DNAJC1: variants seen among roughly 807,000 people sequenced by gnomAD.
DNAJC1 encodes the protein dnaJ homolog subfamily C member 1.
A neutral mutation model predicts 76.6 loss-of-function variants in DNAJC1; 58 were observed. The observed-to-expected ratio is 0.76, with a 90% confidence interval of 0.61 to 0.94. DNAJC1 has a LOEUF of 0.94. Ranked by LOEUF, DNAJC1 falls within the 40% of genes least tolerant of loss-of-function variation. The pLI, the probability that DNAJC1 is intolerant of heterozygous loss-of-function variation, is 0.00. For missense variants in DNAJC1, 689 were observed against 677.3 expected, an observed-to-expected ratio of 1.02 and a Z score of -0.19; for synonymous variants, 258 against 267.9, an observed-to-expected ratio of 0.96 and a Z score of 0.36.
chr10:21,812,848 T>C (rs538421323), intron 8 of DNAJC1, among the ~76,000 whole-genome samples: 2 of 152,114 alleles, frequency 1.3e-5, no homozygotes, highest in South Asian at 2.1e-4. Flanking sequence ...TATACAGCCA[T>C]TGTGATAACA....
At chr10:21,921,516 G>A (rs557472150) in intron 3 of DNAJC1, among the ~76,000 whole-genome samples, 2 of 152,038 alleles carry the variant, frequency 1.3e-5, no homozygotes, top group Admixed American at 6.5e-5. Context: ...AAAATTGAGT[G>A]TCTTTTAATT....
chr10:21,833,077 G>A (rs1361114026), intron 8 of DNAJC1, among the ~76,000 whole-genome samples: 2 of 152,164 alleles, frequency 1.3e-5, no homozygotes, highest in Admixed American at 1.3e-4. Context: ...CTGCTAAACT[G>A]CAATAGTACT....
intron 1 of DNAJC1, among the ~76,000 whole-genome samples, chr10:21,934,886 C>T (rs562650579): frequency 5.9e-5 from 9 of 152,164 alleles, no homozygotes; most frequent in African/African-American, 2.2e-4. Flanking sequence ...CATTAGTTGA[C>T]CAGAGATTCT....
At chr10:21,817,420 G>A (rs1835093761) in intron 8 of DNAJC1, among the ~76,000 whole-genome samples, 1 of 151,860 alleles carries the variant, frequency 6.6e-6, no homozygotes, top group African/African-American at 2.4e-5. Flanking sequence ...TGTAGTCCTT[G>A]TATTTTTTTT....
At chr10:21,868,260 G>C (rs1836041547) in intron 8 of DNAJC1, among the ~76,000 whole-genome samples, 1 of 151,168 alleles carries the variant, frequency 6.6e-6, no homozygotes, top group Non-Finnish European at 1.5e-5. Context: ...GAGTAGCTGG[G>C]CTTACAGACA....
chr10:21,812,571 A>AT (rs957641190), intron 8 of DNAJC1, among the ~76,000 whole-genome samples: 3 of 151,050 alleles, frequency 2.0e-5, no homozygotes, highest in Admixed American at 6.6e-5. Context: ...TTTTTAATAG[A>AT]TTTTTTCCTT....
At chr10:21,948,529 T>C (rs1837543198) in intron 1 of DNAJC1, among the ~76,000 whole-genome samples, 1 of 152,202 alleles carries the variant, frequency 6.6e-6, no homozygotes, top group Non-Finnish European at 1.5e-5. Flanking sequence ...AAGCTTTAAC[T>C]TTCTGAGGTT....
At position 21,806,119 on chromosome 10, in the gene DNAJC1, A is replaced by G. The variant is rs771689662; in HGVS notation, c.979-20T>C. 1 of 1,585,542 alleles carries G rather than the reference A, an allele frequency of 6.3e-7. No individual in the cohort carries two copies. Among genetic ancestry groups the G allele is most frequent in the Non-Finnish European group, 8.6e-7 (1 of 1,166,282 alleles). Reference sequence around the variant, plus strand: ...AGGTGCCTGCAAAACATTAAAGAAAATAAAAAAAGATAATTGGGAGAAAAT... The same window carrying G: ...AGGTGCCTGCAAAACATTAAAGAAAGTAAAAAAAGATAATTGGGAGAAAAT... On this transcript the variant is annotated intron_variant, in intron 8 of 11. Transcript: ENST00000376980.
intron 8 of DNAJC1, among the ~76,000 whole-genome samples, chr10:21,839,639 T>C (rs575122609): frequency 1.6e-4 from 25 of 152,030 alleles, no homozygotes; most frequent in Non-Finnish European, 2.4e-4. Flanking sequence ...AGCCCAGGAC[T>C]AGATGGATTC....
intron 8 of DNAJC1, among the ~76,000 whole-genome samples, chr10:21,824,102 CAGAA>C (rs1448947895): frequency 3.9e-5 from 6 of 152,078 alleles, no homozygotes; most frequent in Admixed American, 3.9e-4. Flanking sequence ...GAATGAATGA[CAGAA>C]AGAAACAGGA....
At chr10:21,845,124 C>T (rs769921692) in intron 8 of DNAJC1, among the ~76,000 whole-genome samples, 4 of 152,096 alleles carry the variant, frequency 2.6e-5, no homozygotes, top group African/African-American at 9.7e-5. Flanking sequence ...TAGCTATAAC[C>T]GTAAAAGCCT....
At chr10:21,834,289 A>C (rs1326760638) in intron 8 of DNAJC1, among the ~76,000 whole-genome samples, 3 of 152,196 alleles carry the variant, frequency 2.0e-5, no homozygotes, top group East Asian at 3.9e-4. Context: ...AGAAAGAAAG[A>C]GGGGCTCCCC....
intron 10 of DNAJC1, among the ~76,000 whole-genome samples, chr10:21,765,512 T>C (rs1834290052): frequency 6.6e-6 from 1 of 152,202 alleles, no homozygotes; most frequent in African/African-American, 2.4e-5. Context: ...ATGGAGACTC[T>C]AACAAAATTC....
intron 8 of DNAJC1, among the ~76,000 whole-genome samples, chr10:21,828,829 T>A (rs1386929618): frequency 6.6e-6 from 1 of 152,250 alleles, no homozygotes; most frequent in Non-Finnish European, 1.5e-5. Flanking sequence ...CATATTTAAT[T>A]TTGAAATTAT....
intron 8 of DNAJC1, among the ~76,000 whole-genome samples, chr10:21,859,424 G>C (rs1773580373): frequency 6.6e-6 from 1 of 152,080 alleles, no homozygotes; most frequent in Admixed American, 6.6e-5. Flanking sequence ...GAGCACACAG[G>C]ACAGTATCTG....
intron 1 of DNAJC1, chr10:21,933,070 A>T (rs1837253844): frequency 6.6e-6 from 1 of 152,248 alleles, no homozygotes; most frequent in Non-Finnish European, 1.5e-5. Context: ...TCAAAAAGAT[A>T]AAAAATTAAA....
rs759356365 is a variant in DNAJC1, at chr10:21,904,578, GTTTC to G, written c.760_763del (p.Glu254GlnfsTer3). ...TGCATCTTCCTTTTCCTTCAATCTTGTTTCTTTATATTTAGCATAAAACTGCCCA... is the reference window on the plus strand; with the variant it reads ...TGCATCTTCCTTTTCCTTCAATCTTGTTTATATTTAGCATAAAACTGCCCA... On this transcript the variant is annotated frameshift_variant, in exon 7 of 12. Transcript: ENST00000376980. LOFTEE classifies it high-confidence loss of function. 5.6e-6 allele frequency: 9 copies of G among 1,606,640 alleles called. No homozygotes were observed. Among genetic ancestry groups the G allele is most frequent in the Middle Eastern group, 1.7e-4 (1 of 6,034 alleles).
At chr10:21,802,309 G>A (rs1834822495) in intron 9 of DNAJC1, among the ~76,000 whole-genome samples, 1 of 152,034 alleles carries the variant, frequency 6.6e-6, no homozygotes, top group Non-Finnish European at 1.5e-5. Flanking sequence ...GGGCTGGCCT[G>A]ACTCTAAAAG....
chr10:21,852,051 T>A (rs1172785467), intron 8 of DNAJC1, among the ~76,000 whole-genome samples: 3 of 147,546 alleles, frequency 2.0e-5, no homozygotes, highest in Non-Finnish European at 4.5e-5. Context: ...AGACTCTGTC[T>A]CAAAAAAAAT....
Sources: gnomAD v4.1 joint callset for allele counts (sites outside exome capture counted in the v4.1 genomes callset) on GRCh38, gnomAD v4.1.1 for gene constraint, MANE v1.5 for transcripts, NCBI Gene and HGNC (gene_info 2026-07-23, HGNC 2026-07-21) for gene names.